Variants in CHN1 observed in about 807,000 individuals in gnomAD.
The protein encoded by CHN1 is chimerin 1.
A neutral mutation model predicts 59.5 loss-of-function variants in CHN1; 37 were observed. The observed-to-expected ratio is 0.62, with a 90% confidence interval of 0.48 to 0.82. CHN1 has a LOEUF of 0.82. Ranked by LOEUF, CHN1 falls within the 40% of genes least tolerant of loss-of-function variation. The pLI is 0.00. For missense variants in CHN1, 469 were observed against 571.0 expected, an observed-to-expected ratio of 0.82 and a Z score of 1.82; for synonymous variants, 206 against 200.4, an observed-to-expected ratio of 1.03 and a Z score of -0.24.
Position 175,005,256 on chromosome 2 carries a change from G to A in CHN1, c.-344C>T, listed in dbSNP as rs1197238313. The A allele has an allele frequency of 1.7e-6, 2 of 1,174,466 alleles. No homozygotes were observed. The highest frequency in any genetic ancestry group is 2.1e-6 in the Non-Finnish European group (2 of 947,992). The allele number at this position is 1,174,466 out of a possible 1,614,324, so 72.8% of individuals were successfully genotyped here. A position where few individuals can be genotyped will look rare whatever the true frequency, so the allele number is the denominator to read the frequency against. ...GCGCAGTGGCTGGCGGAGAGGCGGC[G>A]CCGCACTGGCGGCGGCGGCGGCGGC... On this transcript the variant is annotated 5_prime_UTR_variant, in exon 1 of 13. Transcript: ENST00000409900.
chr2:174,863,018 A>G (rs1334764444), intron 6 of CHN1, among the ~76,000 whole-genome samples: 1 of 152,200 alleles, frequency 6.6e-6, no homozygotes, highest in Non-Finnish European at 1.5e-5. Flanking sequence ...ACAGTCAATG[A>G]TAAAATTAAA....
intron 5 of CHN1, among the ~76,000 whole-genome samples, chr2:174,909,168 A>G (rs531428065): frequency 2.0e-5 from 3 of 152,324 alleles, no homozygotes; most frequent in African/African-American, 7.2e-5. Context: ...TTGAAAAATT[A>G]CACCATGGGT....
intron 1 of CHN1, among the ~76,000 whole-genome samples, chr2:174,961,087 C>A (rs1191832010): frequency 2.6e-5 from 3 of 117,230 alleles, no homozygotes; most frequent in Non-Finnish European, 5.8e-5. Context: ...GTGTTTGTGC[C>A]ACTGCACACT....
At chr2:174,872,944 C>T (rs1164271534) in intron 6 of CHN1, among the ~76,000 whole-genome samples, 1 of 151,996 alleles carries the variant, frequency 6.6e-6, no homozygotes, top group African/African-American at 2.4e-5. Flanking sequence ...ATCCATAATC[C>T]CCATTTTAGA....
rs1688805307 is a variant in CHN1 at position 174,914,986 on chromosome 2, T to C, written c.260+72A>G. 6.1e-6 allele frequency: 5 copies of C among 822,508 alleles called. No individual in the cohort carries two copies. The South Asian group carries it at 9.2e-5, about 15-fold the overall frequency. 51.0% of individuals were successfully genotyped at this position (822,508 alleles called of 1,614,324 possible). The stretch of plus-strand genomic sequence containing the variant: ...CCAATTCAATTACATGCTGAATGCT[T>C]TTAAAATTTAAAGCCCTATATTAAG... On this transcript the variant is annotated intron_variant, in intron 5 of 12. Coordinates refer to ENST00000409900, the MANE Select transcript of CHN1 (RefSeq NM_001822.7).
intron 8 of CHN1, among the ~76,000 whole-genome samples, chr2:174,817,096 A>G (rs1320514964): frequency 6.6e-6 from 1 of 152,132 alleles, no homozygotes; most frequent in African/African-American, 2.4e-5. Flanking sequence ...ACTTTTCCCC[A>G]TGTATACCAT....
chr2:174,811,407 T>C, intron 10 of CHN1, 104 bp downstream of exon 10: 2 of 698,846 alleles, frequency 2.9e-6, no homozygotes, highest in Non-Finnish European at 4.7e-6. Context: ...ATAATAATCA[T>C]CAATGATTTA....
At chr2:174,924,379 G>A (rs1273222672) in intron 3 of CHN1, among the ~76,000 whole-genome samples, 5 of 152,090 alleles carry the variant, frequency 3.3e-5, no homozygotes, top group Non-Finnish European at 7.4e-5. Flanking sequence ...TTTTCTTTGT[G>A]TAGTCTCTTA....
chr2:174,841,553 G>A (rs978300529), intron 7 of CHN1, among the ~76,000 whole-genome samples: 1 of 152,114 alleles, frequency 6.6e-6, no homozygotes, highest in Non-Finnish European at 1.5e-5. Context: ...ACTGATCTGC[G>A]CTATTTTTGT....
At chr2:174,821,379 C>CT (rs1368124144) in intron 8 of CHN1, among the ~76,000 whole-genome samples, 3 of 152,154 alleles carry the variant, frequency 2.0e-5, no homozygotes, top group Non-Finnish European at 4.4e-5. Context: ...TCATCTTTCT[C>CT]TATCAACCTC....
intron 11 of CHN1, among the ~76,000 whole-genome samples, chr2:174,804,726 G>A (rs77251464): frequency 0.1 from 15,527 of 152,208 alleles, 1,025 homozygotes; most frequent in Non-Finnish European, 0.16. Context: ...CAGCGAGGAC[G>A]AGGCCTCTAT....
chr2:174,886,412 T>C (rs1449567468), intron 5 of CHN1, among the ~76,000 whole-genome samples: 1 of 152,230 alleles, frequency 6.6e-6, no homozygotes, highest in Non-Finnish European at 1.5e-5. Flanking sequence ...ACCCCAATTA[T>C]TAAACTTCTA....
intron 6 of CHN1, among the ~76,000 whole-genome samples, chr2:174,868,680 C>T (rs79460910): frequency 0.022 from 3,365 of 152,264 alleles, 119 homozygotes; most frequent in African/African-American, 0.076. Flanking sequence ...TTTTACACAA[C>T]CCGCAATCCA....
intron 6 of CHN1, among the ~76,000 whole-genome samples, chr2:174,851,168 G>C (rs962843525): frequency 2.0e-5 from 3 of 152,164 alleles, no homozygotes; most frequent in Admixed American, 6.5e-5. Context: ...AACTGGGTGG[G>C]AGCCTAAACT....
intron 4 of CHN1, among the ~76,000 whole-genome samples, chr2:174,916,360 A>G (rs1688848922): frequency 6.6e-6 from 1 of 152,254 alleles, no homozygotes; most frequent in South Asian, 2.1e-4. Context: ...ACAAATTTGT[A>G]TACCTTCTCT....
At chr2:174,844,197 T>C (rs1168508500) in intron 7 of CHN1, among the ~76,000 whole-genome samples, 6 of 110,088 alleles carry the variant, frequency 5.5e-5, no homozygotes, top group Admixed American at 4.7e-4. Context: ...TAAGTAACAA[T>C]AGAAAAAAAA....
intron 5 of CHN1, among the ~76,000 whole-genome samples, chr2:174,885,199 C>G (rs1479348942): frequency 6.6e-6 from 1 of 150,844 alleles, no homozygotes; most frequent in African/African-American, 2.4e-5. Context: ...CGCTTGAACC[C>G]GGGAGGCAGA....
chr2:174,847,269 T>TGGA (rs1186213943), intron 6 of CHN1: 3 of 1,377,762 alleles, frequency 2.2e-6, no homozygotes, highest in East Asian at 5.2e-5. Context: ...CACGGAGAGG[T>TGGA]GGAGGAGGAG....
chr2:175,001,842 C>A (rs532042350), intron 1 of CHN1, among the ~76,000 whole-genome samples: 2 of 152,288 alleles, frequency 1.3e-5, no homozygotes, highest in African/African-American at 4.8e-5. Flanking sequence ...ATTGGTGTGG[C>A]CAATCAGGAC....
Sources: allele counts gnomAD v4.1 joint callset (sites outside exome capture counted in the v4.1 genomes callset), GRCh38; gene constraint gnomAD v4.1.1; transcripts MANE v1.5; gene names NCBI Gene and HGNC (gene_info 2026-07-23, HGNC 2026-07-21).